F13A1: variants seen among roughly 807,000 people sequenced by gnomAD.
F13A1 encodes the protein FSF, A subunit.
Under a neutral mutation model 80.1 loss-of-function variants are expected in F13A1, and 47 were observed. The ratio of observed to expected loss-of-function variants is 0.59; its 90% CI spans 0.46 to 0.75. F13A1 has a LOEUF of 0.75. Ranked by LOEUF, F13A1 falls within the 30% of genes least tolerant of loss-of-function variation. The pLI is 0.00. For synonymous variants in F13A1, 349 were observed against 344.9 expected (o/e 1.01, Z -0.13); for missense variants, 817 against 930.4 (o/e 0.88, Z 1.59).
At chr6:6,316,086 T>TATATAC (rs1758678574) in intron 2 of F13A1, among the ~76,000 whole-genome samples, 3 of 7,680 alleles carry the variant, frequency 3.9e-4, no homozygotes, top group African/African-American at 1.5e-3. Context: ...TGCATATATA[T>TATATAC]ATATATATAT....
At chr6:6,240,339 A>G (rs1229406707) in intron 6 of F13A1, among the ~76,000 whole-genome samples, 1 of 152,172 alleles carries the variant, frequency 6.6e-6, no homozygotes, top group Non-Finnish European at 1.5e-5. Context: ...ATAAGAGAAA[A>G]AAGATAATGT....
chr6:6,166,022 T>A (rs1378685953), intron 13 of F13A1, among the ~76,000 whole-genome samples: 1 of 152,206 alleles, frequency 6.6e-6, no homozygotes, highest in Non-Finnish European at 1.5e-5. Flanking sequence ...TGCCTTGGGG[T>A]GGCTCACTGT....
At chr6:6,235,052 C>CA (rs1757397263) in intron 6 of F13A1, among the ~76,000 whole-genome samples, 1 of 151,776 alleles carries the variant, frequency 6.6e-6, no homozygotes, top group South Asian at 2.1e-4. Context: ...ATAATCATTT[C>CA]AAAAAATGAG....
intron 4 of F13A1, among the ~76,000 whole-genome samples, chr6:6,262,389 T>C (rs1055450318): frequency 3.3e-5 from 5 of 152,260 alleles, no homozygotes; most frequent in Non-Finnish European, 7.3e-5. Context: ...GTTGCCAACA[T>C]TGAAATTGAA....
At chr6:6,191,484 A>G (rs979668952) in intron 10 of F13A1, among the ~76,000 whole-genome samples, 1 of 152,186 alleles carries the variant, frequency 6.6e-6, no homozygotes, top group Admixed American at 6.5e-5. Flanking sequence ...CCTCTTAAGT[A>G]CAGGCACTTC....
At chr6:6,222,442 G>A (rs572518586) in intron 7 of F13A1, among the ~76,000 whole-genome samples, 28 of 152,218 alleles carry the variant, frequency 1.8e-4, no homozygotes, top group African/African-American at 6.7e-4. Flanking sequence ...TAATTGTTTC[G>A]TTTCTAAGCG....
intron 1 of F13A1, among the ~76,000 whole-genome samples, chr6:6,319,053 C>T (rs1268516740): frequency 6.6e-6 from 1 of 152,188 alleles, no homozygotes; most frequent in Non-Finnish European, 1.5e-5. Context: ...TGTGCTGTAT[C>T]TATGTTCATT....
chr6:6,270,814 A>C (rs1217304528), intron 3 of F13A1, among the ~76,000 whole-genome samples: 1 of 152,212 alleles, frequency 6.6e-6, no homozygotes. Context: ...AGGGACATTG[A>C]GAAAATATGC....
intron 3 of F13A1, among the ~76,000 whole-genome samples, chr6:6,269,917 T>C (rs1757898630): frequency 2.0e-5 from 3 of 152,114 alleles, no homozygotes; most frequent in Non-Finnish European, 2.9e-5. Context: ...TTTCACCTTG[T>C]TAGCCAGGAT....
intron 10 of F13A1, among the ~76,000 whole-genome samples, chr6:6,184,751 C>G (rs1170388555): frequency 6.6e-6 from 1 of 152,162 alleles, no homozygotes; most frequent in Non-Finnish European, 1.5e-5. Context: ...TGCCCCCCCA[C>G]CTTGAATATG....
In F13A1 at chr6:6,244,619, G is replaced by A. The variant is rs147148759; in HGVS notation, c.798+3693C>T. Reference sequence around the variant, plus strand: ...ACAGCAACTCAATATAAGAACAAGGGAAGTTACTGAATGTATAAAGGAAAA... The same window carrying A: ...ACAGCAACTCAATATAAGAACAAGGAAAGTTACTGAATGTATAAAGGAAAA... On this transcript the variant is annotated intron_variant, in intron 6 of 14. Transcript: ENST00000264870. Among the ~76,000 whole-genome samples, 121 of 152,250 alleles carry A rather than the reference G, an allele frequency of 7.9e-4. 1 individual carries two copies. Among genetic ancestry groups the A allele is most frequent in the African/African-American group, 2.8e-3 (118 of 41,556 alleles).
intron 6 of F13A1, among the ~76,000 whole-genome samples, chr6:6,230,951 C>T (rs1242623213): frequency 6.6e-6 from 1 of 152,138 alleles, no homozygotes; most frequent in Non-Finnish European, 1.5e-5. Flanking sequence ...AGCCTTCAGC[C>T]CTAGACCTTC....
chr6:6,158,785 T>A (rs1760521915), intron 13 of F13A1, among the ~76,000 whole-genome samples: 1 of 142,988 alleles, frequency 7.0e-6, no homozygotes, highest in Admixed American at 6.9e-5. Context: ...CTTAATGAAG[T>A]TTGTGATATT....
chr6:6,264,262 A>C (rs1362944061), intron 4 of F13A1, among the ~76,000 whole-genome samples: 1 of 152,224 alleles, frequency 6.6e-6, no homozygotes, highest in Non-Finnish European at 1.5e-5. Flanking sequence ...CCATTTACAC[A>C]CATGATATAA....
chr6:6,173,628 G>A (rs1467395465), intron 12 of F13A1, among the ~76,000 whole-genome samples: 1 of 152,024 alleles, frequency 6.6e-6, no homozygotes, highest in Non-Finnish European at 1.5e-5. Context: ...GGCTGGTCTC[G>A]AACTCCTAAC....
intron 10 of F13A1, among the ~76,000 whole-genome samples, chr6:6,185,324 C>T (rs1387180348): frequency 7.0e-6 from 1 of 143,436 alleles, no homozygotes; most frequent in African/African-American, 2.6e-5. Flanking sequence ...TGATATTCCC[C>T]TTCCTGTGTC....
At chr6:6,194,171 A>G (rs894602365) in intron 10 of F13A1, among the ~76,000 whole-genome samples, 5 of 152,038 alleles carry the variant, frequency 3.3e-5, no homozygotes, top group African/African-American at 1.2e-4. Context: ...CAACCCCTCC[A>G]ATCCGTGTTC....
chr6:6,287,533 G>A (rs1164230831), intron 3 of F13A1, among the ~76,000 whole-genome samples: 1 of 152,148 alleles, frequency 6.6e-6, no homozygotes, highest in East Asian at 1.9e-4. Context: ...AAGCGTTTGT[G>A]GATGTTCTGA....
At chr6:6,275,434 A>G (rs1186323706) in intron 3 of F13A1, among the ~76,000 whole-genome samples, 3 of 152,062 alleles carry the variant, frequency 2.0e-5, no homozygotes, top group African/African-American at 7.2e-5. Context: ...CAGGGGTGCC[A>G]TCTCAGCTCA....
Sources: allele counts gnomAD v4.1 joint callset (sites outside exome capture counted in the v4.1 genomes callset), GRCh38; gene constraint gnomAD v4.1.1; transcripts MANE v1.5; gene names NCBI Gene and HGNC (gene_info 2026-07-23, HGNC 2026-07-21).